Variants in NRXN1 observed in about 807,000 individuals in gnomAD.
The protein encoded by NRXN1 is neurexin-1.
In NRXN1, 39 loss-of-function variants were observed where a neutral mutation model predicts 150.9. That is an observed-to-expected ratio of 0.26 (90% CI 0.20 to 0.34). The LOEUF (loss-of-function observed/expected upper bound fraction) is 0.34. Among genes scored for constraint, NRXN1 ranks in the 10% least tolerant of loss-of-function variants. NRXN1 has a pLI of 1.00. For synonymous variants in NRXN1, 924 were observed against 757.0 expected, an observed-to-expected ratio of 1.22 and a Z score of -3.62; for missense variants, 1,815 against 1,949.9, an observed-to-expected ratio of 0.93 and a Z score of 1.30.
intron 8 of NRXN1, among the ~76,000 whole-genome samples, chr2:50,561,528 CTTCAGTG>C (rs1669081619): frequency 6.6e-6 from 1 of 152,116 alleles, no homozygotes; most frequent in African/African-American, 2.4e-5. Flanking sequence ...GTATTGGGGA[CTTCAGTG>C]TTCAGTGTTC....
chr2:50,787,826 G>C (rs1043271908), intron 5 of NRXN1, among the ~76,000 whole-genome samples: 3 of 151,888 alleles, frequency 2.0e-5, no homozygotes, highest in South Asian at 2.1e-4. Context: ...GACTGCTTTT[G>C]GCACTGGTGA....
chr2:50,141,767 C>A (rs1052155170), intron 18 of NRXN1, among the ~76,000 whole-genome samples: 1 of 152,038 alleles, frequency 6.6e-6, no homozygotes, highest in Admixed American at 6.6e-5. Flanking sequence ...GATATCCTTA[C>A]CCCCGTTAGA....
intron 21 of NRXN1, among the ~76,000 whole-genome samples, chr2:49,976,785 C>T (rs112677827): frequency 9.2e-5 from 14 of 152,174 alleles, no homozygotes; most frequent in South Asian, 4.1e-4. Context: ...TTTAGAGTGA[C>T]GATTAACCCA....
At chr2:50,967,028 T>C (rs1318648475) in intron 2 of NRXN1, among the ~76,000 whole-genome samples, 2 of 151,914 alleles carry the variant, frequency 1.3e-5, no homozygotes, top group South Asian at 4.1e-4. Context: ...AGGAAATAAG[T>C]TGTTAAAATG....
At chr2:50,157,830 T>C (rs1438604561) in intron 18 of NRXN1, among the ~76,000 whole-genome samples, 3 of 151,908 alleles carry the variant, frequency 2.0e-5, no homozygotes, top group Non-Finnish European at 2.9e-5. Context: ...TCAAGTAAAG[T>C]GAATGTGTTG....
chr2:50,023,463 T>C (rs1687859401), intron 21 of NRXN1: 1 of 152,172 alleles, frequency 6.6e-6, no homozygotes, highest in South Asian at 2.1e-4. Flanking sequence ...ATCCCATTTT[T>C]TCTCCTGTAA....
chr2:50,130,320 C>G (rs1422007367), intron 18 of NRXN1, among the ~76,000 whole-genome samples: 1 of 152,028 alleles, frequency 6.6e-6, no homozygotes, highest in Admixed American at 6.6e-5. Flanking sequence ...GACAAACAAG[C>G]AGGGGGCAGC....
intron 5 of NRXN1, among the ~76,000 whole-genome samples, chr2:50,718,973 A>C (rs1285322818): frequency 2.0e-5 from 3 of 150,990 alleles, no homozygotes; most frequent in Middle Eastern, 3.2e-3. Flanking sequence ...ATATAAAACT[A>C]ATATATAAAA....
chr2:50,830,972 A>T (rs1340537310), intron 5 of NRXN1, among the ~76,000 whole-genome samples: 2 of 152,082 alleles, frequency 1.3e-5, no homozygotes. Context: ...GTGGGCATAT[A>T]GTAGGTGTAT....
intron 12 of NRXN1, among the ~76,000 whole-genome samples, chr2:50,519,622 G>A (rs761223351): frequency 6.6e-6 from 1 of 151,862 alleles, no homozygotes; most frequent in Non-Finnish European, 1.5e-5. Flanking sequence ...CCTGTTTCTG[G>A]TTGATCTTCC....
At chr2:50,305,598 C>G (rs182540862) in intron 17 of NRXN1, among the ~76,000 whole-genome samples, 1 of 152,134 alleles carries the variant, frequency 6.6e-6, no homozygotes, top group East Asian at 1.9e-4. Flanking sequence ...TACTAAATAT[C>G]CAATGCCCCA....
At chr2:50,483,954 T>C (rs573856202) in intron 15 of NRXN1, among the ~76,000 whole-genome samples, 1 of 152,340 alleles carries the variant, frequency 6.6e-6, no homozygotes, top group Non-Finnish European at 1.5e-5. Context: ...TTTTTTCTTA[T>C]TTCAAAACAA....
At chr2:50,937,343 AAT>A (rs1406098400) in intron 2 of NRXN1, among the ~76,000 whole-genome samples, 2 of 152,116 alleles carry the variant, frequency 1.3e-5, no homozygotes, top group Non-Finnish European at 2.9e-5. Context: ...TTGCTTAATA[AAT>A]ATGTGTTATA....
intron 8 of NRXN1, among the ~76,000 whole-genome samples, chr2:50,585,174 G>A (rs190719337): frequency 3.6e-4 from 55 of 152,192 alleles, no homozygotes; most frequent in African/African-American, 1.2e-3. Context: ...CTTAGTAACC[G>A]CAAAACGTTA....
intron 17 of NRXN1, among the ~76,000 whole-genome samples, chr2:50,283,736 A>AT (rs1392143190): frequency 6.6e-6 from 1 of 152,104 alleles, no homozygotes; most frequent in Non-Finnish European, 1.5e-5. Flanking sequence ...ATGATTTAAT[A>AT]TATGCTCTGA....
At chr2:50,521,382 T>C (rs567247669) in intron 12 of NRXN1, among the ~76,000 whole-genome samples, 1 of 152,172 alleles carries the variant, frequency 6.6e-6, no homozygotes. Flanking sequence ...ATTGTATGAA[T>C]GATGAACTCA....
chr2:50,693,385 A>T (rs1692343150), intron 5 of NRXN1, among the ~76,000 whole-genome samples: 1 of 152,134 alleles, frequency 6.6e-6, no homozygotes, highest in South Asian at 2.1e-4. Context: ...CGGATGTTAA[A>T]CAACTTGCCA....
intron 5 of NRXN1, among the ~76,000 whole-genome samples, chr2:50,818,665 T>C (rs537343814): frequency 2.0e-5 from 3 of 151,820 alleles, no homozygotes; most frequent in African/African-American, 4.8e-5. Flanking sequence ...AAGAGGAAAA[T>C]TGGACAAATA....
chr2:51,030,612 G>A (rs978927561), intron 1 of NRXN1, among the ~76,000 whole-genome samples: 1 of 151,172 alleles, frequency 6.6e-6, no homozygotes, highest in Non-Finnish European at 1.5e-5. Context: ...ACTAGCAAAA[G>A]GAAATAAAAA....
Sources: gnomAD v4.1 joint callset for allele counts (sites outside exome capture counted in the v4.1 genomes callset) on GRCh38, gnomAD v4.1.1 for gene constraint, MANE v1.5 for transcripts, NCBI Gene and HGNC (gene_info 2026-07-23, HGNC 2026-07-21) for gene names.